The following JADE3 variants were observed in gnomAD, a reference collection of about 807,000 sequenced individuals.
JADE3 encodes protein Jade-3.
JADE3 carries 2 observed loss-of-function variants against 50.1 expected under a neutral mutation model. The observed-to-expected ratio is 0.04, with a 90% CI of 0.02 to 0.13. The LOEUF is 0.13. Among genes scored for constraint, JADE3 ranks in the 10% least tolerant of loss-of-function variants. JADE3 has a pLI of 1.00. For synonymous variants in JADE3, 218 were observed against 232.9 expected (o/e 0.94, Z 0.58); for missense variants, 475 against 634.4 (o/e 0.75, Z 2.70).
At chrX:47,014,534 G>A (rs1362028971) in intron 4 of JADE3, among the ~76,000 whole-genome samples, 3 of 111,927 alleles carry the variant, frequency 2.7e-5, no homozygotes, top group African/African-American at 9.7e-5. Flanking sequence ...TTTGATGTTT[G>A]TTCTTGCTTC....
In JADE3 at chrX:47,024,872, A is replaced by T; in HGVS notation, c.433A>T (p.Ile145Phe). The T allele has an allele frequency of 8.3e-7, 1 of 1,202,459 alleles. No homozygotes were observed. The change falls in exon 5 of 11, where the codon ATC (isoleucine) becomes TTC (phenylalanine). Residue 145 changes from isoleucine (I) to phenylalanine (F), a missense_variant. Ile to Phe is a conservative substitution (Grantham distance 21). Coordinates refer to ENST00000614628, the MANE Select transcript of JADE3 (RefSeq NM_014735.5). ...CCGCTATGACCTAGATGACATGGAC[A>T]TCTTCTGGCTTCAGGAACTCAATGA... is the stretch of plus-strand genomic sequence containing the variant. ...VCRYDLDDMD[I>F]FWLQELNEDL...
intron 4 of JADE3, among the ~76,000 whole-genome samples, chrX:47,017,808 C>G (rs1191403582): frequency 3.6e-5 from 4 of 111,705 alleles, no homozygotes; most frequent in Non-Finnish European, 7.5e-5. Flanking sequence ...GCTTTCTTTA[C>G]TAAACTCTAG....
At chrX:46,934,466 T>C (rs1314736666) in intron 1 of JADE3, among the ~76,000 whole-genome samples, 1 of 111,498 alleles carries the variant, frequency 9.0e-6, no homozygotes, top group Admixed American at 9.5e-5. Flanking sequence ...GCCTGGCTAA[T>C]TTTTTATATT....
chrX:46,989,077 A>G (rs1556355308), intron 3 of JADE3, among the ~76,000 whole-genome samples: 1 of 111,279 alleles, frequency 9.0e-6, no homozygotes, highest in Non-Finnish European at 1.9e-5. Context: ...TGACCTCGTG[A>G]TCCACCCACC....
chrX:47,053,654 A>G (rs782549040), intron 8 of JADE3, among the ~76,000 whole-genome samples: 19 of 112,872 alleles, frequency 1.7e-4, no homozygotes, highest in Non-Finnish European at 2.4e-4. Flanking sequence ...ATGCTCTAGC[A>G]ATAATACTCA....
chrX:46,973,764 T>G (rs1307497252), intron 1 of JADE3, among the ~76,000 whole-genome samples: 4 of 112,477 alleles, frequency 3.6e-5, no homozygotes, highest in African/African-American at 1.3e-4. Flanking sequence ...AGAAACACAT[T>G]TATAGCATTC....
intron 1 of JADE3, among the ~76,000 whole-genome samples, chrX:46,914,838 C>T (rs1926046749): frequency 8.9e-6 from 1 of 111,785 alleles, no homozygotes; most frequent in South Asian, 3.8e-4. Flanking sequence ...AGAAAGGCTT[C>T]CCACTCCTCC....
intron 1 of JADE3, among the ~76,000 whole-genome samples, chrX:46,925,001 C>A (rs1210570048): frequency 8.9e-6 from 1 of 111,900 alleles, no homozygotes; most frequent in African/African-American, 3.2e-5. Flanking sequence ...ACAAACCTGA[C>A]TAGGTAAGTG....
At chrX:47,031,113 T>C (rs1556366640) in intron 6 of JADE3, among the ~76,000 whole-genome samples, 1 of 111,237 alleles carries the variant, frequency 9.0e-6, no homozygotes, top group Non-Finnish European at 1.9e-5. Flanking sequence ...TATGATCTTA[T>C]GACTGTGAGT....
intron 3 of JADE3, among the ~76,000 whole-genome samples, chrX:46,996,655 C>T (rs1156515373): frequency 8.9e-6 from 1 of 111,761 alleles, no homozygotes; most frequent in Non-Finnish European, 1.9e-5. Flanking sequence ...TCACTCTAAT[C>T]TCTGCCTCCA....
intron 1 of JADE3, among the ~76,000 whole-genome samples, chrX:46,983,828 G>T (rs2147130735): frequency 9.0e-6 from 1 of 111,451 alleles, no homozygotes; most frequent in Admixed American, 9.5e-5. Flanking sequence ...CACCAATTTT[G>T]CTGGGAAGAG....
chrX:47,033,149 C>T (rs782505793), intron 6 of JADE3, among the ~76,000 whole-genome samples: 3 of 112,176 alleles, frequency 2.7e-5, no homozygotes, highest in Admixed American at 1.9e-4. Context: ...ATGCACCAGG[C>T]GTTAATAGGC....
intron 1 of JADE3, among the ~76,000 whole-genome samples, chrX:46,926,588 A>ATCACCACAAT (rs1262599421): frequency 1.8e-5 from 2 of 111,932 alleles, no homozygotes; most frequent in African/African-American, 6.5e-5. Flanking sequence ...CAGTGCAACC[A>ATCACCACAAT]CCACCACAAT....
chrX:47,007,483 G>T (rs1425748119), intron 4 of JADE3, among the ~76,000 whole-genome samples: 1 of 111,642 alleles, frequency 9.0e-6, no homozygotes, highest in African/African-American at 3.3e-5. Flanking sequence ...ATTTATGATT[G>T]CTATGTCTTC....
At chrX:47,006,397 C>T (rs1362311139) in intron 4 of JADE3, among the ~76,000 whole-genome samples, 1 of 109,451 alleles carries the variant, frequency 9.1e-6, no homozygotes, top group African/African-American at 3.3e-5. Context: ...GATCCTCCTG[C>T]CTCAGCCTCC....
intron 1 of JADE3, among the ~76,000 whole-genome samples, chrX:46,958,365 T>C (rs1602384969): frequency 8.9e-6 from 1 of 112,188 alleles, no homozygotes; most frequent in Non-Finnish European, 1.9e-5. Context: ...TCTCCTCTTT[T>C]CTTTGATGAA....
intron 4 of JADE3, among the ~76,000 whole-genome samples, chrX:47,000,929 G>A (rs1928268512): frequency 8.9e-6 from 1 of 111,933 alleles, no homozygotes. Context: ...TAATTCATGT[G>A]TGGCTTCAGT....
chrX:47,057,842 A>G (rs922753616), intron 10 of JADE3, among the ~76,000 whole-genome samples: 9 of 111,797 alleles, frequency 8.1e-5, no homozygotes, highest in African/African-American at 2.9e-4. Flanking sequence ...ATTCTAAACC[A>G]TTGCTAGAGA....
chrX:46,958,714 A>C (rs1927187873), intron 1 of JADE3, among the ~76,000 whole-genome samples: 1 of 112,328 alleles, frequency 8.9e-6, no homozygotes, highest in Admixed American at 9.4e-5. Context: ...ATGCTTTATT[A>C]ATGTGGTTTA....
Sources: allele counts gnomAD v4.1 joint callset (sites outside exome capture counted in the v4.1 genomes callset), GRCh38; gene constraint gnomAD v4.1.1; transcripts MANE v1.5; gene names NCBI Gene and HGNC (gene_info 2026-07-23, HGNC 2026-07-21).